Variants in TNR observed in about 807,000 individuals in gnomAD.
TNR encodes tenascin-R.
A neutral mutation model predicts 150.4 loss-of-function variants in TNR; 45 were observed. The ratio of observed to expected loss-of-function variants is 0.30; its 90% CI spans 0.24 to 0.38. The LOEUF (loss-of-function observed/expected upper bound fraction) is 0.38. TNR is among the 10% of genes least tolerant of loss of function. The probability of loss-of-function intolerance (pLI) is 1.00; values close to 1 mark genes in which losing one functional copy is unlikely to be tolerated. For missense variants in TNR, 1,544 were observed against 1,759.1 expected, an observed-to-expected ratio of 0.88 and a Z score of 2.19; for synonymous variants, 687 against 678.4, an observed-to-expected ratio of 1.01 and a Z score of -0.20.
At chr1:175,621,255 T>A (rs1663966696) in intron 1 of TNR, among the ~76,000 whole-genome samples, 2 of 152,184 alleles carry the variant, frequency 1.3e-5, no homozygotes, top group South Asian at 4.1e-4. Context: ...CGCTCTAGCC[T>A]GAATTCTGCT....
chr1:175,736,243 C>T (rs549100100), intron 1 of TNR, among the ~76,000 whole-genome samples: 34 of 152,314 alleles, frequency 2.2e-4, no homozygotes, highest in Non-Finnish European at 3.2e-4. Flanking sequence ...TGTGGTGGGC[C>T]GGGCGTGGTG....
At chr1:175,424,314 T>C (rs991859115) in intron 2 of TNR, among the ~76,000 whole-genome samples, 1 of 152,182 alleles carries the variant, frequency 6.6e-6, no homozygotes, top group Non-Finnish European at 1.5e-5. Context: ...AAGTCAGACA[T>C]GCCTGGCCTG....
intron 1 of TNR, among the ~76,000 whole-genome samples, chr1:175,653,914 G>A (rs1665092590): frequency 6.6e-6 from 1 of 152,000 alleles, no homozygotes; most frequent in South Asian, 2.1e-4. Flanking sequence ...CAAGCACTGG[G>A]AATATATACC....
rs145989017 is a variant in TNR, at chr1:175,500,210, G to A, written c.-64+28059C>T. 4.9e-3 allele frequency among the ~76,000 whole-genome samples: 753 copies of A among 152,292 alleles called. 8 individuals carry two copies. The highest frequency in any genetic ancestry group is 0.038 in the Admixed American group (585 of 15,294). On this transcript the variant is annotated intron_variant, in intron 2 of 22. Transcript: ENST00000367674. The stretch of plus-strand genomic sequence containing the variant: ...GGAGGGTTTTTTTAAGGATAGTTTA[G>A]CTTCTACTATGACACATCAGTCACT...
At chr1:175,601,897 T>C (rs1324561475) in intron 1 of TNR, among the ~76,000 whole-genome samples, 2 of 152,056 alleles carry the variant, frequency 1.3e-5, no homozygotes, top group Non-Finnish European at 2.9e-5. Context: ...AAAACACACA[T>C]GAACAATTTA....
chr1:175,742,574 AC>A (rs975575960), intron 1 of TNR, among the ~76,000 whole-genome samples: 3 of 151,730 alleles, frequency 2.0e-5, no homozygotes, highest in Non-Finnish European at 4.4e-5. Flanking sequence ...AGGGACCTCA[AC>A]CCCCCAAAGC....
intron 1 of TNR, among the ~76,000 whole-genome samples, chr1:175,721,026 C>T (rs182658132): frequency 1.8e-4 from 27 of 152,298 alleles, no homozygotes; most frequent in African/African-American, 6.0e-4. Context: ...GCATGGGACC[C>T]TTGTCTTATG....
At chr1:175,574,612 A>C (rs572655500) in intron 1 of TNR, among the ~76,000 whole-genome samples, 2 of 152,292 alleles carry the variant, frequency 1.3e-5, no homozygotes, top group African/African-American at 4.8e-5. Flanking sequence ...CAACCTTTTT[A>C]TACACATACT....
At chr1:175,447,226 G>C (rs73042496) in intron 2 of TNR, among the ~76,000 whole-genome samples, 2,232 of 152,150 alleles carry the variant, frequency 0.015, 69 homozygotes, top group African/African-American at 0.051. Flanking sequence ...TGGGTGAGGA[G>C]GGGGTGGGGA....
rs746467920 is a variant in TNR at position 175,396,530 on chromosome 1, G to A, written c.1240+14C>T. Reference sequence around the variant, plus strand: ...GAAAAGAAAAATGAAGCAGGACGGGGAAATGGTACGTACGGGTGGCCACCT... The same window carrying A: ...GAAAAGAAAAATGAAGCAGGACGGGAAAATGGTACGTACGGGTGGCCACCT... On this transcript the variant is annotated intron_variant, in intron 5 of 22. Transcript: ENST00000367674. 6.2e-7 allele frequency: 1 copy of A among 1,607,654 alleles called. No homozygotes were observed. The highest frequency in any genetic ancestry group is 8.5e-7 in the Non-Finnish European group (1 of 1,174,648).
intron 9 of TNR, among the ~76,000 whole-genome samples, chr1:175,369,815 G>T (rs1355655149): frequency 6.6e-6 from 1 of 152,176 alleles, no homozygotes. Flanking sequence ...TTAACAAATG[G>T]CTTGGCTTGG....
chr1:175,737,963 A>G (rs985472026), intron 1 of TNR, among the ~76,000 whole-genome samples: 1 of 152,186 alleles, frequency 6.6e-6, no homozygotes, highest in East Asian at 1.9e-4. Flanking sequence ...CCTGCCTGCT[A>G]GTACCTCTCT....
At chr1:175,699,838 C>G (rs944605920) in intron 1 of TNR, among the ~76,000 whole-genome samples, 1 of 152,042 alleles carries the variant, frequency 6.6e-6, no homozygotes, top group African/African-American at 2.4e-5. Flanking sequence ...GGCCTCAGCT[C>G]CTTCACTTCA....
chr1:175,406,799 G>A, intron 2 of TNR, 22 bp from the exon 3 acceptor site: 1 of 1,542,166 alleles, frequency 6.5e-7, no homozygotes, highest in African/African-American at 1.4e-5. Context: ...ACCAAGGAAA[G>A]AGACAACCTC....
chr1:175,563,290 A>G (rs1363976408), intron 1 of TNR, among the ~76,000 whole-genome samples: 1 of 152,262 alleles, frequency 6.6e-6, no homozygotes, highest in African/African-American at 2.4e-5. Context: ...AACACAGGCT[A>G]TGATTCAAAA....
At chr1:175,729,473 C>T (rs761145023) in intron 1 of TNR, among the ~76,000 whole-genome samples, 6 of 152,134 alleles carry the variant, frequency 3.9e-5, no homozygotes, top group Non-Finnish European at 4.4e-5. Flanking sequence ...TCTGTCTCCA[C>T]GCCAGAGTGC....
intron 2 of TNR, among the ~76,000 whole-genome samples, chr1:175,456,153 A>C (rs148540785): frequency 9.5e-4 from 145 of 152,174 alleles, no homozygotes; most frequent in African/African-American, 3.4e-3. Context: ...ACGCCAGGCA[A>C]GTTTCTGCCC....
intron 1 of TNR, among the ~76,000 whole-genome samples, chr1:175,671,489 G>C (rs771038415): frequency 1.3e-5 from 2 of 152,132 alleles, no homozygotes; most frequent in Non-Finnish European, 2.9e-5. Flanking sequence ...ACCTTGCCAG[G>C]GCCCCTGAAT....
intron 1 of TNR, among the ~76,000 whole-genome samples, chr1:175,615,822 G>A (rs551278924): frequency 3.3e-5 from 5 of 152,280 alleles, no homozygotes; most frequent in African/African-American, 1.2e-4. Flanking sequence ...CTTTCAGTTA[G>A]GCTTCTAAAA....
Sources: allele counts gnomAD v4.1 joint callset (sites outside exome capture counted in the v4.1 genomes callset), GRCh38; gene constraint gnomAD v4.1.1; transcripts MANE v1.5; gene names NCBI Gene and HGNC (gene_info 2026-07-23, HGNC 2026-07-21).